The following SHB variants were observed in gnomAD, a reference collection of about 807,000 sequenced individuals.
The protein encoded by SHB is SH2 domain containing adaptor protein B.
A neutral mutation model predicts 52.3 loss-of-function variants in SHB; 20 were observed. The ratio of observed to expected loss-of-function variants is 0.38; its 90% CI spans 0.27 to 0.56. The LOEUF (loss-of-function observed/expected upper bound fraction) is 0.56. Among genes scored for constraint, SHB ranks in the 20% least tolerant of loss-of-function variants. The pLI is 0.71. For synonymous variants in SHB, 397 were observed against 316.5 expected (o/e 1.25, Z -2.70); for missense variants, 825 against 723.3 (o/e 1.14, Z -1.61).
chr9:38,006,125 A>G (rs1821072740), intron 2 of SHB, among the ~76,000 whole-genome samples: 1 of 151,900 alleles, frequency 6.6e-6, no homozygotes, highest in Non-Finnish European at 1.5e-5. Context: ...AGAGGACCCC[A>G]CTGGTGGTGT....
intron 2 of SHB, among the ~76,000 whole-genome samples, chr9:37,999,804 A>G (rs1820990703): frequency 6.6e-6 from 1 of 152,178 alleles, no homozygotes; most frequent in South Asian, 2.1e-4. Context: ...TGAAGCCTTG[A>G]CTTCAGAGAT....
At chr9:37,971,392 C>G (rs10973627) in intron 3 of SHB, among the ~76,000 whole-genome samples, 13,645 of 152,202 alleles carry the variant, frequency 0.09, 724 homozygotes, top group Middle Eastern at 0.16. Context: ...GTGGCCCACC[C>G]ACCTCTCCAC....
intron 2 of SHB, among the ~76,000 whole-genome samples, chr9:37,999,882 A>C (rs1820991555): frequency 6.6e-6 from 1 of 152,242 alleles, no homozygotes; most frequent in Non-Finnish European, 1.5e-5. Flanking sequence ...TCACTCCTGC[A>C]GCCTCCAGCT....
rs1822014932 is a variant in SHB, at chr9:38,068,780, C to G, written c.-135G>C. 1 of 207,566 alleles carries G rather than the reference C, an allele frequency of 4.8e-6. No individual in the cohort carries two copies. The highest frequency in any genetic ancestry group is 1.7e-4 in the South Asian group (1 of 5,786). 12.9% of individuals were successfully genotyped at this position (207,566 alleles called of 1,614,324 possible). On this transcript the variant is annotated 5_prime_UTR_variant, in exon 1 of 6. Coordinates refer to ENST00000377707, the MANE Select transcript of SHB (RefSeq NM_003028.3). ...CGTCCGGGGCGCCCGCTCCCGACGC[C>G]AAGTTCAAGTTCTTGCCGCCGCCGC...
intron 5 of SHB, among the ~76,000 whole-genome samples, chr9:37,923,606 T>A (rs556858092): frequency 6.6e-6 from 1 of 152,176 alleles, no homozygotes; most frequent in Non-Finnish European, 1.5e-5. Flanking sequence ...CAGTTGAAGA[T>A]TTAAAAGCAG....
rs139002485 is a variant in SHB, at chr9:38,002,306, T to C, written c.838+13705A>G. 5.1e-3 allele frequency among the ~76,000 whole-genome samples: 776 copies of C among 152,260 alleles called. 2 individuals are homozygous for C. The highest frequency in any genetic ancestry group is 0.014 in the Middle Eastern group (4 of 294). On this transcript the variant is annotated intron_variant, in intron 2 of 5. Transcript: ENST00000377707. Reference sequence around the variant, plus strand: ...ATGCCAACAATCTGACAATATTAATTAGAAATTTCTACAAAGCCATACGTG... The same window carrying C: ...ATGCCAACAATCTGACAATATTAATCAGAAATTTCTACAAAGCCATACGTG...
rs577159694 is a variant in SHB, at chr9:37,981,222, T to C, written c.839-6385A>G. 3.9e-5 allele frequency among the ~76,000 whole-genome samples: 6 copies of C among 152,376 alleles called. No individual in the cohort carries two copies. The South Asian group carries it at 1.2e-3, about 32-fold the overall frequency. On this transcript the variant is annotated intron_variant, in intron 2 of 5. Transcript: ENST00000377707. Reference sequence around the variant, plus strand: ...TGCTTTGTCTACACTGAAAATCTGTTGTTTTGCATAGCCACCTTCATCGAT... The same window carrying C: ...TGCTTTGTCTACACTGAAAATCTGTCGTTTTGCATAGCCACCTTCATCGAT...
intron 1 of SHB, among the ~76,000 whole-genome samples, chr9:38,066,849 T>TA (rs1355741840): frequency 2.0e-5 from 3 of 152,084 alleles, no homozygotes; most frequent in Non-Finnish European, 4.4e-5. Context: ...CTCAGACTCT[T>TA]AATCAGTCTC....
intron 2 of SHB, among the ~76,000 whole-genome samples, chr9:38,010,881 G>C (rs925550667): frequency 1.3e-5 from 2 of 152,222 alleles, no homozygotes; most frequent in African/African-American, 4.8e-5. Context: ...TTCCAGGTGG[G>C]TAGGTGATCC....
rs1235744249 is a variant in SHB at position 38,068,669 on chromosome 9, G to A, written c.-24C>T. The A allele has an allele frequency of 7.6e-7, 1 of 1,308,708 alleles. No homozygotes were observed. Among genetic ancestry groups the A allele is most frequent in the Non-Finnish European group, 9.7e-7 (1 of 1,035,162 alleles). The allele number at this position is 1,308,708 out of a possible 1,614,324, so 81.1% of individuals were successfully genotyped here. A position where few individuals can be genotyped will look rare whatever the true frequency, so the allele number is the denominator to read the frequency against. On this transcript the variant is annotated 5_prime_UTR_variant, in exon 1 of 6. Transcript: ENST00000377707. The stretch of plus-strand genomic sequence containing the variant: ...ATGGCGAGAGGCCGCCTAGGGCCGC[G>A]GCGCGGGAGCCCGGTCCGCCGCCGC...
chr9:38,010,471 T>C (rs1341801713), intron 2 of SHB, among the ~76,000 whole-genome samples: 1 of 152,208 alleles, frequency 6.6e-6, no homozygotes, highest in Non-Finnish European at 1.5e-5. Flanking sequence ...TTCCTATCAT[T>C]ATCCCATCAA....
chr9:38,030,797 T>C (rs1380893230), intron 1 of SHB, among the ~76,000 whole-genome samples: 1 of 152,172 alleles, frequency 6.6e-6, no homozygotes, highest in African/African-American at 2.4e-5. Context: ...CATGGGGAGC[T>C]TGAGGCCCAG....
intron 1 of SHB, among the ~76,000 whole-genome samples, chr9:38,038,889 G>C (rs1821527156): frequency 6.6e-6 from 1 of 152,178 alleles, no homozygotes; most frequent in Admixed American, 6.5e-5. Context: ...GAACCCCGGA[G>C]AGGGAGTGTG....
intron 3 of SHB, among the ~76,000 whole-genome samples, chr9:37,967,320 T>C (rs530094521): frequency 6.6e-5 from 10 of 152,324 alleles, no homozygotes; most frequent in East Asian, 3.9e-4. Context: ...GTTTAGGAAA[T>C]AGACATACCT....
At chr9:37,934,469 A>AT (rs113806134) in intron 5 of SHB, among the ~76,000 whole-genome samples, 164 of 146,364 alleles carry the variant, frequency 1.1e-3, no homozygotes, top group Middle Eastern at 7.1e-3. Flanking sequence ...CAGCTAATTA[A>AT]TTTTTTTTTT....
chr9:37,966,536 G>C (rs1006165531), intron 3 of SHB, among the ~76,000 whole-genome samples: 1 of 152,132 alleles, frequency 6.6e-6, no homozygotes, highest in Non-Finnish European at 1.5e-5. Context: ...CCTTTCCTGG[G>C]CAGACCTGCT....
At position 38,046,317 on chromosome 9, in the gene SHB, C is replaced by G. The variant is rs781130695; in HGVS notation, c.717+21612G>C. Among the ~76,000 whole-genome samples, 17 of 152,222 alleles carry G rather than the reference C, an allele frequency of 1.1e-4. No individual in the cohort carries two copies. The South Asian group carries it at 1.2e-3, about 11-fold the overall frequency. ...GTCTGTGGCTCCCTGAAGAAGTGAA[C>G]AGAGGCAACAGAAACCGTGTTGCTG... On this transcript the variant is annotated intron_variant, in intron 1 of 5. Coordinates refer to ENST00000377707, the MANE Select transcript of SHB (RefSeq NM_003028.3).
intron 2 of SHB, among the ~76,000 whole-genome samples, chr9:37,988,597 T>TTC (rs1471150089): frequency 6.6e-6 from 1 of 152,170 alleles, no homozygotes; most frequent in Non-Finnish European, 1.5e-5. Flanking sequence ...ACCGACAAGC[T>TTC]TCTCTTCCAT....
At chr9:37,922,929 T>C (rs2118455128) in intron 5 of SHB, among the ~76,000 whole-genome samples, 1 of 152,290 alleles carries the variant, frequency 6.6e-6, no homozygotes, top group South Asian at 2.1e-4. Context: ...CGCTGAGGGC[T>C]TCCTGCAGGA....
Sources: gnomAD v4.1 joint callset for allele counts (sites outside exome capture counted in the v4.1 genomes callset) on GRCh38, gnomAD v4.1.1 for gene constraint, MANE v1.5 for transcripts, NCBI Gene and HGNC (gene_info 2026-07-23, HGNC 2026-07-21) for gene names.